The following TSNARE1 variants were observed in gnomAD, a reference collection of about 807,000 sequenced individuals.
TSNARE1 encodes the protein t-SNARE domain-containing protein 1.
In TSNARE1, 49 loss-of-function variants were observed where a neutral mutation model predicts 62.0. The observed-to-expected ratio is 0.79, with a 90% CI of 0.63 to 1.00. TSNARE1 has a LOEUF of 1.00. TSNARE1 is among the 50% of genes least tolerant of loss of function. TSNARE1 has a pLI of 0.00. For missense variants in TSNARE1, 755 were observed against 700.1 expected, an observed-to-expected ratio of 1.08 and a Z score of -0.88; for synonymous variants, 328 against 294.4, an observed-to-expected ratio of 1.11 and a Z score of -1.17.
chr8:142,237,380 C>T (rs957557476), intron 12 of TSNARE1, among the ~76,000 whole-genome samples: 12 of 152,326 alleles, frequency 7.9e-5, no homozygotes, highest in African/African-American at 2.6e-4. Context: ...ACGGGCGGCT[C>T]GTGGTTTTGT....
rs1322504921 is a variant in TSNARE1, at chr8:142,344,354, G to C, written c.357C>G (p.Thr119=). 2 of 1,573,570 alleles carry C rather than the reference G, an allele frequency of 1.3e-6. No individual in the cohort carries two copies. The highest frequency in any genetic ancestry group is 2.7e-5 in the African/African-American group (2 of 73,156). Residue 119 remains threonine, a synonymous_variant, in exon 4 of 14, where the codon ACC becomes ACG. Transcript: ENST00000524325. ...PHGRMAGPST[T]RAKKRKPNFC... is the part of the protein sequence containing the mutation. ...AGTTGGGCTTCCTCTTCTTGGCCCGGGTAGTGCTGGGCCCCGCCATCCGGC... is the reference window on the plus strand; with the variant it reads ...AGTTGGGCTTCCTCTTCTTGGCCCGCGTAGTGCTGGGCCCCGCCATCCGGC...
chr8:142,214,927 G>A (rs897724626), intron 13 of TSNARE1, among the ~76,000 whole-genome samples: 3 of 152,198 alleles, frequency 2.0e-5, no homozygotes, highest in African/African-American at 4.8e-5. Context: ...AGCCGCCTGT[G>A]GTGCTTGGTT....
chr8:142,256,379 T>TCACCAC (rs1586872724), intron 12 of TSNARE1, among the ~76,000 whole-genome samples: 2 of 316 alleles, frequency 6.3e-3, no homozygotes, highest in African/African-American at 0.022. Context: ...ATCACCACCA[T>TCACCAC]CATCATCACC....
chr8:142,272,786 T>C (rs1819814688), intron 12 of TSNARE1: 1 of 968,082 alleles, frequency 1.0e-6, no homozygotes, highest in East Asian at 1.2e-4. Context: ...CACAGACACC[T>C]GGTCCCTCCT....
At chr8:142,360,539 C>T (rs1345318532) in intron 1 of TSNARE1, among the ~76,000 whole-genome samples, 2 of 152,160 alleles carry the variant, frequency 1.3e-5, no homozygotes, top group Non-Finnish European at 1.5e-5. Context: ...CACTTGCTCC[C>T]AAGGAGGCTT....
chr8:142,370,940 C>A (rs1835876036), intron 1 of TSNARE1, among the ~76,000 whole-genome samples: 1 of 151,980 alleles, frequency 6.6e-6, no homozygotes, highest in Non-Finnish European at 1.5e-5. Context: ...ACCTAACTAC[C>A]TTCGGAAAAC....
chr8:142,347,131 G>A (rs771449259), intron 2 of TSNARE1, among the ~76,000 whole-genome samples: 2 of 152,230 alleles, frequency 1.3e-5, no homozygotes, highest in Non-Finnish European at 2.9e-5. Flanking sequence ...GGAAGAGGGA[G>A]AAGCCTGCAG....
At chr8:142,349,273 C>T (rs577304803) in intron 2 of TSNARE1, among the ~76,000 whole-genome samples, 32 of 152,102 alleles carry the variant, frequency 2.1e-4, no homozygotes, top group South Asian at 6.2e-4. Flanking sequence ...AATTCCTAAA[C>T]AAAGAAATCA....
chr8:142,289,003 C>T (rs1417536067), intron 10 of TSNARE1, among the ~76,000 whole-genome samples: 7 of 152,198 alleles, frequency 4.6e-5, no homozygotes, highest in Admixed American at 2.6e-4. Flanking sequence ...CTCTTTCGAG[C>T]GAACGCAGCA....
At chr8:142,217,479 T>C (rs1047047043) in intron 13 of TSNARE1, among the ~76,000 whole-genome samples, 2 of 152,146 alleles carry the variant, frequency 1.3e-5, no homozygotes, top group African/African-American at 4.8e-5. Flanking sequence ...AGATCTTGAA[T>C]GCTGGCCAGA....
intron 11 of TSNARE1, among the ~76,000 whole-genome samples, chr8:142,281,485 G>A (rs1821441082): frequency 6.6e-6 from 1 of 152,032 alleles, no homozygotes; most frequent in African/African-American, 2.4e-5. Context: ...CACCATGGTT[G>A]GGGGCCGCAC....
At chr8:142,363,839 C>T (rs566006497) in intron 1 of TSNARE1, among the ~76,000 whole-genome samples, 4 of 152,250 alleles carry the variant, frequency 2.6e-5, no homozygotes, top group South Asian at 2.1e-4. Context: ...CGCAAGAGAC[C>T]GGGATACCCA....
At chr8:142,275,611 C>A (rs1820340462) in intron 11 of TSNARE1, 2 of 985,400 alleles carry the variant, frequency 2.0e-6, no homozygotes, top group Non-Finnish European at 2.4e-6. Context: ...CTCAACAGAG[C>A]CACATGCAAA....
intron 11 of TSNARE1, among the ~76,000 whole-genome samples, chr8:142,280,941 G>A (rs1014391839): frequency 6.6e-6 from 1 of 152,202 alleles, no homozygotes; most frequent in Non-Finnish European, 1.5e-5. Flanking sequence ...CGAGGGGATT[G>A]AGGGGCCGGC....
At chr8:142,230,678 G>A (rs1371619781) in intron 12 of TSNARE1, among the ~76,000 whole-genome samples, 4 of 152,122 alleles carry the variant, frequency 2.6e-5, no homozygotes, top group African/African-American at 4.8e-5. Context: ...GGGAGAGGAG[G>A]GAAGTATAAA....
At chr8:142,355,062 G>A (rs1254845480) in intron 1 of TSNARE1, among the ~76,000 whole-genome samples, 6 of 152,186 alleles carry the variant, frequency 3.9e-5, no homozygotes, top group African/African-American at 1.4e-4. Flanking sequence ...CCTCTGGCCG[G>A]CTCTTAAAGA....
chr8:142,364,345 T>A (rs546107531), intron 1 of TSNARE1, among the ~76,000 whole-genome samples: 1 of 152,308 alleles, frequency 6.6e-6, no homozygotes, highest in African/African-American at 2.4e-5. Context: ...TCAGCGTGAA[T>A]TCATAGTTTT....
intron 12 of TSNARE1, among the ~76,000 whole-genome samples, chr8:142,238,014 G>A (rs1817517143): frequency 6.6e-6 from 1 of 151,902 alleles, no homozygotes. Context: ...CCATGCATCT[G>A]ACTTAGGGAG....
intron 13 of TSNARE1, among the ~76,000 whole-genome samples, chr8:142,226,396 C>T (rs996218808): frequency 7.2e-5 from 11 of 152,184 alleles, no homozygotes; most frequent in African/African-American, 2.2e-4. Flanking sequence ...CTCCTGCAAT[C>T]GAGCTACGGT....
Sources: allele counts gnomAD v4.1 joint callset (sites outside exome capture counted in the v4.1 genomes callset), GRCh38; gene constraint gnomAD v4.1.1; transcripts MANE v1.5; gene names NCBI Gene and HGNC (gene_info 2026-07-23, HGNC 2026-07-21).